The following MARCHF11 variants were observed in gnomAD, a reference collection of about 807,000 sequenced individuals.
MARCHF11 encodes membrane associated ring-CH-type finger 11, also known as E3 ubiquitin-protein ligase MARCHF11.
A neutral mutation model predicts 37.3 loss-of-function variants in MARCHF11; 29 were observed. The observed-to-expected ratio is 0.78, with a 90% CI of 0.58 to 1.06. The LOEUF is 1.06. Among genes scored for constraint, MARCHF11 ranks in the 50% least tolerant of loss-of-function variants. MARCHF11 has a pLI of 0.00. For synonymous variants in MARCHF11, 233 were observed against 228.0 expected (o/e 1.02, Z -0.20); for missense variants, 482 against 533.4 (o/e 0.90, Z 0.95).
At chr5:16,160,056 T>C (rs1177786144) in intron 2 of MARCHF11, among the ~76,000 whole-genome samples, 1 of 151,758 alleles carries the variant, frequency 6.6e-6, no homozygotes, top group Non-Finnish European at 1.5e-5. Context: ...ACAACCACTG[T>C]TTCTTTTACA....
intron 3 of MARCHF11, among the ~76,000 whole-genome samples, chr5:16,072,537 T>A (rs2126543919): frequency 6.6e-6 from 1 of 152,018 alleles, no homozygotes. Context: ...TGTGTGTGTG[T>A]GTGTGTGTGT....
At position 16,179,739 on chromosome 5, in the gene MARCHF11, C is replaced by T; in HGVS notation, c.-164G>A. On this transcript the variant is annotated 5_prime_UTR_variant, in exon 1 of 4. Coordinates refer to ENST00000332432, the MANE Select transcript of MARCHF11 (RefSeq NM_001102562.3). ...CGGGGAGGGGATGCGGAAGGTTCTG[C>T]AGCTGCGGCGGCGGCAGGCGCGGCC... The T allele has an allele frequency of 2.8e-6, 1 of 362,724 alleles. No homozygotes were observed. The highest frequency in any genetic ancestry group is 4.3e-6 in the Non-Finnish European group (1 of 232,420). 22.5% of individuals were successfully genotyped at this position (362,724 alleles called of 1,614,324 possible). A position where few individuals can be genotyped will look rare whatever the true frequency, so the allele number is the denominator to read the frequency against.
intron 2 of MARCHF11, among the ~76,000 whole-genome samples, chr5:16,153,512 TTG>T (rs759609419): frequency 5.9e-5 from 9 of 151,980 alleles, no homozygotes; most frequent in Non-Finnish European, 1.2e-4. Context: ...ATGTTCAGTG[TTG>T]TGTTTTAGAA....
chr5:16,107,465 G>GT (rs1474728086), intron 2 of MARCHF11, among the ~76,000 whole-genome samples: 2 of 152,038 alleles, frequency 1.3e-5, no homozygotes, highest in African/African-American at 4.8e-5. Flanking sequence ...AGTTAAGCAT[G>GT]TTTTGCAAAT....
intron 2 of MARCHF11, among the ~76,000 whole-genome samples, chr5:16,091,426 T>A (rs532112391): frequency 2.0e-5 from 3 of 152,204 alleles, no homozygotes; most frequent in Admixed American, 2.0e-4. Flanking sequence ...ACTCTGAACA[T>A]ACATGGTGAG....
chr5:16,107,992 G>A (rs1052079350), intron 2 of MARCHF11, among the ~76,000 whole-genome samples: 2 of 152,158 alleles, frequency 1.3e-5, no homozygotes, highest in African/African-American at 4.8e-5. Context: ...TCAAGTCCAT[G>A]TGTGACCTGA....
intron 2 of MARCHF11, among the ~76,000 whole-genome samples, chr5:16,115,921 C>T (rs1161753556): frequency 6.6e-6 from 1 of 152,064 alleles, no homozygotes; most frequent in Non-Finnish European, 1.5e-5. Context: ...GCCACCATGC[C>T]CGGGTGCTTG....
At chr5:16,103,692 C>T (rs746367527) in intron 2 of MARCHF11, among the ~76,000 whole-genome samples, 4 of 152,176 alleles carry the variant, frequency 2.6e-5, no homozygotes, top group Non-Finnish European at 5.9e-5. Context: ...TGACCAATAG[C>T]ATATGGCAGA....
At chr5:16,147,364 T>A (rs1737816486) in intron 2 of MARCHF11, among the ~76,000 whole-genome samples, 1 of 152,204 alleles carries the variant, frequency 6.6e-6, no homozygotes, top group African/African-American at 2.4e-5. Context: ...ACGCAGTTAC[T>A]ACTATTATTA....
At chr5:16,149,272 C>T (rs147222690) in intron 2 of MARCHF11, among the ~76,000 whole-genome samples, 6 of 152,098 alleles carry the variant, frequency 3.9e-5, no homozygotes, top group Admixed American at 2.6e-4. Flanking sequence ...TAAAGATCTA[C>T]GGCCTGAATT....
At chr5:16,163,996 G>A (rs893415934) in intron 2 of MARCHF11, among the ~76,000 whole-genome samples, 1 of 152,070 alleles carries the variant, frequency 6.6e-6, no homozygotes, top group Non-Finnish European at 1.5e-5. Context: ...CAGCAACAAA[G>A]TCCCACTTGG....
intron 2 of MARCHF11, among the ~76,000 whole-genome samples, chr5:16,107,991 T>C (rs1737072742): frequency 6.6e-6 from 1 of 152,146 alleles, no homozygotes; most frequent in African/African-American, 2.4e-5. Flanking sequence ...TTCAAGTCCA[T>C]GTGTGACCTG....
At chr5:16,171,350 A>G (rs1738259710) in intron 2 of MARCHF11, among the ~76,000 whole-genome samples, 1 of 151,710 alleles carries the variant, frequency 6.6e-6, no homozygotes, top group Admixed American at 6.6e-5. Flanking sequence ...ATAGAAATTT[A>G]GAAACATCCC....
chr5:16,078,434 G>A (rs1736555501), intron 3 of MARCHF11, among the ~76,000 whole-genome samples: 1 of 152,072 alleles, frequency 6.6e-6, no homozygotes, highest in Admixed American at 6.6e-5. Flanking sequence ...TTACTTGGAA[G>A]TGGCTGAAAA....
At chr5:16,085,668 C>G (rs1168058503) in intron 3 of MARCHF11, among the ~76,000 whole-genome samples, 1 of 151,936 alleles carries the variant, frequency 6.6e-6, no homozygotes, top group African/African-American at 2.4e-5. Flanking sequence ...AAGCTTATTA[C>G]TCCGCCGGGC....
intron 2 of MARCHF11, among the ~76,000 whole-genome samples, chr5:16,133,214 G>A (rs1737548746): frequency 6.6e-6 from 1 of 151,980 alleles, no homozygotes; most frequent in Non-Finnish European, 1.5e-5. Flanking sequence ...CCCCTTCCCT[G>A]GAATTTGGTG....
chr5:16,150,355 G>A (rs781431663), intron 2 of MARCHF11, among the ~76,000 whole-genome samples: 1 of 149,188 alleles, frequency 6.7e-6, no homozygotes, highest in Non-Finnish European at 1.5e-5. Context: ...GAGCAGAATT[G>A]AGGATAAATG....
chr5:16,091,690 A>C (rs1203564422), intron 2 of MARCHF11, among the ~76,000 whole-genome samples: 1 of 152,254 alleles, frequency 6.6e-6, no homozygotes, highest in Non-Finnish European at 1.5e-5. Flanking sequence ...TAAGCCATGA[A>C]GTATTTTTGT....
intron 2 of MARCHF11, among the ~76,000 whole-genome samples, chr5:16,135,880 TAA>T (rs11345766): frequency 0.016 from 1,888 of 119,624 alleles, 16 homozygotes; most frequent in African/African-American, 0.027. Context: ...GAAAGAGATT[TAA>T]AAAAAAAAAA....
Sources: gnomAD v4.1 joint callset for allele counts (sites outside exome capture counted in the v4.1 genomes callset) on GRCh38, gnomAD v4.1.1 for gene constraint, MANE v1.5 for transcripts, NCBI Gene and HGNC (gene_info 2026-07-23, HGNC 2026-07-21) for gene names.